Variants in MTMR7 observed in about 807,000 individuals in gnomAD.
MTMR7 encodes phosphatidylinositol-3-phosphate phosphatase MTMR7.
Under a neutral mutation model 81.2 loss-of-function variants are expected in MTMR7, and 76 were observed. The ratio of observed to expected loss-of-function variants is 0.94; its 90% CI spans 0.78 to 1.13. The LOEUF is 1.13. Among genes scored for constraint, MTMR7 ranks in the 50% most tolerant of loss-of-function variants. The pLI, the probability that MTMR7 is intolerant of heterozygous loss-of-function variation, is 0.00. For missense variants in MTMR7, 1,044 were observed against 820.0 expected (o/e 1.27, Z -3.34); for synonymous variants, 372 against 289.8 (o/e 1.28, Z -2.88).
intron 3 of MTMR7, among the ~76,000 whole-genome samples, chr8:17,365,918 G>A (rs1481540093): frequency 6.6e-6 from 1 of 152,150 alleles, no homozygotes; most frequent in Non-Finnish European, 1.5e-5. Context: ...TGTTTCAGTT[G>A]AAAGCATGAG....
At chr8:17,380,055 G>A (rs191517790) in intron 1 of MTMR7, among the ~76,000 whole-genome samples, 53 of 152,110 alleles carry the variant, frequency 3.5e-4, no homozygotes, top group Middle Eastern at 6.8e-3. Flanking sequence ...ATGGTGAGTC[G>A]ATCTGCAACG....
intron 3 of MTMR7, among the ~76,000 whole-genome samples, chr8:17,369,208 C>G (rs1296047006): frequency 6.6e-6 from 1 of 152,206 alleles, no homozygotes; most frequent in Admixed American, 6.5e-5. Context: ...GTACATCTTC[C>G]CAGAACTTCT....
At chr8:17,301,797 GGAAA>G (rs779693990) in intron 13 of MTMR7, 127 of 284,846 alleles carry the variant, frequency 4.5e-4, no homozygotes, top group African/African-American at 1.8e-3. Context: ...CTAAAAGTGG[GGAAA>G]GAGTTTTACA....
chr8:17,348,298 G>A (rs1285787958), intron 5 of MTMR7, among the ~76,000 whole-genome samples: 1 of 152,092 alleles, frequency 6.6e-6, no homozygotes, highest in Non-Finnish European at 1.5e-5. Flanking sequence ...AGCACTTTGT[G>A]AGGCCGAGGC....
intron 3 of MTMR7, 100 bp from the exon 4 acceptor site, chr8:17,361,374 C>T (rs1371182678): frequency 1.3e-5 from 17 of 1,286,940 alleles, no homozygotes; most frequent in Non-Finnish European, 1.8e-5. Flanking sequence ...CCAGAGAGGC[C>T]ATCCCAACCC....
At chr8:17,396,481 G>T (rs1425274222) in intron 1 of MTMR7, among the ~76,000 whole-genome samples, 1 of 152,166 alleles carries the variant, frequency 6.6e-6, no homozygotes, top group Non-Finnish European at 1.5e-5. Context: ...TCAACTCAGT[G>T]CTGCCCTACC....
intron 7 of MTMR7, among the ~76,000 whole-genome samples, chr8:17,329,309 G>C (rs753571127): frequency 6.6e-5 from 10 of 152,184 alleles, no homozygotes; most frequent in Non-Finnish European, 1.2e-4. Flanking sequence ...AAAACAGATA[G>C]TCAAACATTG....
intron 1 of MTMR7, among the ~76,000 whole-genome samples, chr8:17,385,331 T>C (rs1820897971): frequency 6.6e-6 from 1 of 151,972 alleles, no homozygotes; most frequent in South Asian, 2.1e-4. Context: ...CATCTTCAAT[T>C]GTAGCTCTCC....
intron 1 of MTMR7, among the ~76,000 whole-genome samples, chr8:17,408,774 T>C (rs915742647): frequency 2.6e-5 from 4 of 152,094 alleles, no homozygotes; most frequent in Non-Finnish European, 4.4e-5. Flanking sequence ...GTATAAGATA[T>C]TATCATCAAG....
At chr8:17,309,163 A>G in intron 10 of MTMR7, 114 bp downstream of exon 10, 3 of 709,344 alleles carry the variant, frequency 4.2e-6, no homozygotes, top group Non-Finnish European at 7.3e-6. Flanking sequence ...AAGCTTTCTG[A>G]ATAAGAGACA....
chr8:17,361,413 C>T, intron 3 of MTMR7, 139 bp from the exon 4 acceptor site: 1 of 861,112 alleles, frequency 1.2e-6, no homozygotes, highest in Non-Finnish European at 1.8e-6. Context: ...TGGGAGTAAC[C>T]TGTGTGCAGT....
chr8:17,320,355 C>T (rs1002199906), intron 7 of MTMR7, among the ~76,000 whole-genome samples: 1 of 152,070 alleles, frequency 6.6e-6, no homozygotes, highest in African/African-American at 2.4e-5. Flanking sequence ...TTCCCTCACA[C>T]ACCCTGAGAT....
chr8:17,311,554 C>T lies in MTMR7; in HGVS notation c.1058G>A (p.Ser353Asn), dbSNP rs1336799497. 12 of 1,614,098 alleles carry T rather than the reference C, an allele frequency of 7.4e-6. No individual in the cohort carries two copies. The highest frequency in any genetic ancestry group is 1.3e-5 in the African/African-American group (1 of 75,008). ...DRTAQVCSVA[S>N]LLLDPHYRTL... The stretch of plus-strand genomic sequence containing the variant: ...CCGGTAGTGAGGGTCCAGCAGCAGG[C>T]TTGCCACCGAGCACACCTGAGCGGT... The change falls in exon 9 of 14, where the codon AGC becomes AAC. Residue 353 changes from serine to asparagine, a missense_variant. Ser to Asn is a conservative substitution (Grantham distance 46). Coordinates refer to ENST00000180173, the MANE Select transcript of MTMR7 (RefSeq NM_004686.5).
intron 4 of MTMR7, among the ~76,000 whole-genome samples, chr8:17,357,667 T>C (rs529305470): frequency 1.3e-5 from 2 of 152,222 alleles, no homozygotes; most frequent in African/African-American, 4.8e-5. Context: ...TGACATTAAG[T>C]GAGGCCTTCC....
At chr8:17,372,279 G>C (rs1820442973) in intron 2 of MTMR7, among the ~76,000 whole-genome samples, 1 of 152,112 alleles carries the variant, frequency 6.6e-6, no homozygotes, top group Non-Finnish European at 1.5e-5. Flanking sequence ...GTCATGATTG[G>C]GTTGCTGAAA....
intron 10 of MTMR7, among the ~76,000 whole-genome samples, chr8:17,307,627 G>C (rs760578804): frequency 6.6e-6 from 1 of 152,166 alleles, no homozygotes; most frequent in Non-Finnish European, 1.5e-5. Context: ...CAAAGACTTG[G>C]AACCAACCTA....
intron 5 of MTMR7, among the ~76,000 whole-genome samples, chr8:17,347,677 G>A (rs1819599836): frequency 6.6e-6 from 1 of 152,020 alleles, no homozygotes; most frequent in South Asian, 2.1e-4. Flanking sequence ...GTGGTTTTTT[G>A]CTACCTTTTA....
At chr8:17,384,083 G>A (rs1005244524) in intron 1 of MTMR7, among the ~76,000 whole-genome samples, 4 of 152,028 alleles carry the variant, frequency 2.6e-5, no homozygotes, top group African/African-American at 9.7e-5. Flanking sequence ...GTGAGAGAGG[G>A]GAAAAAAGCA....
At chr8:17,308,071 AG>A (rs910746209) in intron 10 of MTMR7, among the ~76,000 whole-genome samples, 11 of 151,348 alleles carry the variant, frequency 7.3e-5, no homozygotes, top group Admixed American at 7.2e-4. Context: ...AAAATGAGGA[AG>A]AAAAAAATAA....
Sources: allele counts gnomAD v4.1 joint callset (sites outside exome capture counted in the v4.1 genomes callset), GRCh38; gene constraint gnomAD v4.1.1; transcripts MANE v1.5; gene names NCBI Gene and HGNC (gene_info 2026-07-23, HGNC 2026-07-21).